PCDHGA5: variants seen among roughly 807,000 people sequenced by gnomAD.
PCDHGA5 encodes protocadherin gamma subfamily A, 5.
In PCDHGA5, 36 loss-of-function variants were observed where a neutral mutation model predicts 56.7. That is an observed-to-expected ratio of 0.64 (90% confidence interval 0.49 to 0.84). The LOEUF is 0.84. PCDHGA5 is among the 40% of genes least tolerant of loss of function. PCDHGA5 has a pLI of 0.00. For synonymous variants in PCDHGA5, 563 were observed against 520.2 expected (o/e 1.08, Z -1.12); for missense variants, 1,305 against 1,201.5 (o/e 1.09, Z -1.27).
At chr5:141,450,225 C>A (rs1294362576) in intron 1 of PCDHGA5, among the ~76,000 whole-genome samples, 1 of 151,976 alleles carries the variant, frequency 6.6e-6, no homozygotes, top group Non-Finnish European at 1.5e-5. Flanking sequence ...ACTATGTTGG[C>A]CAGGCTAGTC....
chr5:141,417,936 A>G (rs1266177574), intron 1 of PCDHGA5: 3 of 1,612,080 alleles, frequency 1.9e-6, no homozygotes, highest in Non-Finnish European at 1.7e-6. Flanking sequence ...CCTTTGTTCT[A>G]CCCCACGCTG....
At chr5:141,410,600 C>T in intron 1 of PCDHGA5, 1 of 1,608,048 alleles carries the variant, frequency 6.2e-7, no homozygotes, top group Non-Finnish European at 8.5e-7. Flanking sequence ...TTTGACTTCA[C>T]ATCCTGAGAC....
In PCDHGA5 at chr5:141,476,702, C is replaced by A. The variant is rs751321222; in HGVS notation, c.2422-18105C>A. 1.4e-5 allele frequency: 23 copies of A among 1,614,104 alleles called. No individual in the cohort carries two copies. Among genetic ancestry groups the A allele is most frequent in the Non-Finnish European group, 1.7e-5 (20 of 1,180,050 alleles). ...GGAGGACAGCACCAAGTACGCGGAG[C>A]TGGTGTTGGAGCGCGCCCTGGACCG... is the stretch of plus-strand genomic sequence containing the variant. On this transcript the variant is annotated intron_variant, in intron 1 of 3. Coordinates refer to ENST00000518069, the MANE Select transcript of PCDHGA5 (RefSeq NM_018918.3). The surrounding 1 kb of genome is among the most constrained non-coding windows in gnomAD (Gnocchi z 7.6).
chr5:141,437,628 T>C (rs2097897572), intron 1 of PCDHGA5, among the ~76,000 whole-genome samples: 1 of 152,212 alleles, frequency 6.6e-6, no homozygotes, highest in African/African-American at 2.4e-5. Context: ...CCATATAAGA[T>C]GTCAGGTTCA....
At position 141,433,356 on chromosome 5, in the gene PCDHGA5, T is replaced by A. The variant is rs549297958; in HGVS notation, c.2422-61451T>A. On this transcript the variant is annotated intron_variant, in intron 1 of 3. Transcript: ENST00000518069. ...CTACAGGTGCAAGCCACCTACTGTC[T>A]GCCTATCTATCTATCTATCTATCTA... The A allele has an allele frequency of 8.4e-5, 51 of 607,892 alleles. No homozygotes were observed. The African/African-American group carries it at 9.5e-4, about 11-fold the overall frequency. 37.7% of individuals were successfully genotyped at this position (607,892 alleles called of 1,614,324 possible).
chr5:141,409,060 G>C (rs1464240645), intron 1 of PCDHGA5: 1 of 1,614,000 alleles, frequency 6.2e-7, no homozygotes, highest in Non-Finnish European at 8.5e-7. Flanking sequence ...GCACTGCCCA[G>C]AGCACAAAAC....
Position 141,485,768 on chromosome 5 carries a change from C to A in PCDHGA5, c.2422-9039C>A, listed in dbSNP as rs759191157. 3.7e-6 allele frequency: 6 copies of A among 1,614,192 alleles called. No individual in the cohort carries two copies. Among genetic ancestry groups the A allele is most frequent in the Middle Eastern group, 1.6e-4 (1 of 6,062 alleles). On this transcript the variant is annotated intron_variant, in intron 1 of 3. Coordinates refer to ENST00000518069, the MANE Select transcript of PCDHGA5 (RefSeq NM_018918.3). The surrounding 1 kb of genome is among the most constrained non-coding windows in gnomAD (Gnocchi z 5.7). ...GGTCCCAGAGCTGCTCCTGGAGAAG[C>A]CTTTGGATCGAGAGAAGCAATCGGA...
At chr5:141,373,521 T>A (rs1217518860) in intron 1 of PCDHGA5, among the ~76,000 whole-genome samples, 1 of 152,192 alleles carries the variant, frequency 6.6e-6, no homozygotes, top group African/African-American at 2.4e-5. Context: ...AGACTTTGTC[T>A]CCAAAAAAGT....
rs1424346887 is a variant in PCDHGA5, at chr5:141,489,602, T to C, written c.2422-5205T>C. ...CCCCTGGAGCTAATCCGTGTAGAGG[T>C]AGAGATCCTGGATCTCAATGACAAC... On this transcript the variant is annotated intron_variant, in intron 1 of 3. Coordinates refer to ENST00000518069, the MANE Select transcript of PCDHGA5 (RefSeq NM_018918.3). The surrounding 1 kb of genome is among the most constrained non-coding windows in gnomAD (Gnocchi z 4.5). The C allele has an allele frequency of 5.6e-6, 9 of 1,613,754 alleles. No homozygotes were observed. In the African/African-American group the frequency reaches 6.7e-5, roughly 12 times the overall value.
At chr5:141,481,327 T>C (rs2099535776) in intron 1 of PCDHGA5, among the ~76,000 whole-genome samples, 1 of 152,244 alleles carries the variant, frequency 6.6e-6, no homozygotes, top group Non-Finnish European at 1.5e-5. Context: ...CACTAGCCCC[T>C]GGACAACTAT....
intron 1 of PCDHGA5, among the ~76,000 whole-genome samples, chr5:141,435,286 A>G (rs1179151461): frequency 6.6e-6 from 1 of 152,194 alleles, no homozygotes; most frequent in Non-Finnish European, 1.5e-5. Context: ...CAGTATCCCA[A>G]GTCATTTCAT....
chr5:141,444,965 A>C (rs561160996), intron 1 of PCDHGA5, among the ~76,000 whole-genome samples: 18 of 152,234 alleles, frequency 1.2e-4, no homozygotes, highest in South Asian at 6.2e-4. Context: ...CAATATTGAC[A>C]CTTCAAATCC....
chr5:141,419,584 C>G, intron 1 of PCDHGA5: 1 of 1,611,800 alleles, frequency 6.2e-7, no homozygotes. Context: ...CCGCGCTCTT[C>G]GACACAGTGC....
chr5:141,433,168 T>A, intron 1 of PCDHGA5: 6 of 1,613,438 alleles, frequency 3.7e-6, no homozygotes, highest in Non-Finnish European at 3.4e-6. Context: ...CTAAAGACAG[T>A]CATGGGTTAA....
At chr5:141,405,795 G>T (rs2094718009) in intron 1 of PCDHGA5, among the ~76,000 whole-genome samples, 1 of 149,108 alleles carries the variant, frequency 6.7e-6, no homozygotes, top group African/African-American at 2.4e-5. Context: ...TTCTATTATA[G>T]TTAGCTTTCT....
intron 1 of PCDHGA5, among the ~76,000 whole-genome samples, chr5:141,488,236 T>A (rs1333427955): frequency 6.6e-6 from 1 of 152,154 alleles, no homozygotes; most frequent in Admixed American, 6.5e-5. Context: ...TTGAACTAGA[T>A]GCGGTAAATT....
chr5:141,366,736 A>G lies in PCDHGA5; in HGVS notation c.2406A>G (p.Glu802=), dbSNP rs1165089619. The G allele has an allele frequency of 3.7e-6, 6 of 1,612,430 alleles. No homozygotes were observed. The highest frequency in any genetic ancestry group is 1.7e-5 in the Admixed American group (1 of 59,956). ...LMSDKVDANK[E]ERRVQQAPPN... is the part of the protein sequence containing the mutation. Reference sequence around the variant, plus strand: ...CTGATAAGGTAGATGCAAACAAAGAAGAACGGCGAGTTCAGGTTAGTTTTC... The same window carrying G: ...CTGATAAGGTAGATGCAAACAAAGAGGAACGGCGAGTTCAGGTTAGTTTTC... Residue 802 remains glutamate (E), a synonymous_variant, in exon 1 of 4, where the codon GAA becomes GAG. Transcript: ENST00000518069.
chr5:141,383,655 C>T, intron 1 of PCDHGA5: 1 of 1,613,986 alleles, frequency 6.2e-7, no homozygotes, highest in East Asian at 2.2e-5. Context: ...TAACTGTCCC[C>T]GAGAATGTGC....
chr5:141,389,676 C>T, intron 1 of PCDHGA5: 1 of 1,612,444 alleles, frequency 6.2e-7, no homozygotes, highest in Non-Finnish European at 8.5e-7. Context: ...AGACTCAGGA[C>T]ACAACGCCTG....
Sources: gnomAD v4.1 joint callset for allele counts (sites outside exome capture counted in the v4.1 genomes callset) on GRCh38, gnomAD v4.1.1 for gene constraint, Gnocchi (gnomAD v3.1) non-coding constraint, MANE v1.5 for transcripts, NCBI Gene and HGNC (gene_info 2026-07-23, HGNC 2026-07-21) for gene names.